The following DOCK3 variants were observed in gnomAD, a reference collection of about 807,000 sequenced individuals.
DOCK3 encodes the protein dedicator of cytokinesis protein 3.
Under a neutral mutation model 265.6 loss-of-function variants are expected in DOCK3, and 60 were observed. The ratio of observed to expected loss-of-function variants is 0.23; its 90% CI spans 0.18 to 0.28. The LOEUF (loss-of-function observed/expected upper bound fraction) is 0.28. Among genes scored for constraint, DOCK3 ranks in the 10% least tolerant of loss-of-function variants. The probability of loss-of-function intolerance (pLI) is 1.00; values close to 1 mark genes in which losing one functional copy is unlikely to be tolerated. For missense variants in DOCK3, 1,981 were observed against 2,594.3 expected, an observed-to-expected ratio of 0.76 and a Z score of 5.14; for synonymous variants, 881 against 938.0, an observed-to-expected ratio of 0.94 and a Z score of 1.11.
At chr3:51,276,987 T>G (rs2080850615) in intron 25 of DOCK3, among the ~76,000 whole-genome samples, 1 of 152,158 alleles carries the variant, frequency 6.6e-6, no homozygotes, top group Non-Finnish European at 1.5e-5. Flanking sequence ...AAAGATGCAC[T>G]GAGGCTGGAG....
chr3:51,383,553 C>T lies in DOCK3; in HGVS notation c.*1994C>T, dbSNP rs2088794363. 1 of 152,284 alleles carries T rather than the reference C, an allele frequency of 6.6e-6. No homozygotes were observed. The highest frequency in any genetic ancestry group is 6.5e-5 in the Admixed American group (1 of 15,280). The allele number at this position is 152,284 out of a possible 1,614,324, so 9.4% of individuals were successfully genotyped here. A position where few individuals can be genotyped will look rare whatever the true frequency, so the allele number is the denominator to read the frequency against. On this transcript the variant is annotated 3_prime_UTR_variant, in exon 53 of 53. Transcript: ENST00000266037. ...GGCAGTCATCACATAAGAACAGCTA[C>T]CTTCTCCACTTGGTGGCACAAGAGG...
chr3:51,053,429 T>A (rs1241348393), intron 5 of DOCK3, among the ~76,000 whole-genome samples: 1 of 149,190 alleles, frequency 6.7e-6, no homozygotes, highest in Non-Finnish European at 1.5e-5. Flanking sequence ...TATCACTATT[T>A]TTTTTTTTTT....
intron 9 of DOCK3, among the ~76,000 whole-genome samples, chr3:51,137,541 G>A (rs1437633051): frequency 1.3e-5 from 2 of 152,166 alleles, no homozygotes; most frequent in African/African-American, 4.8e-5. Context: ...AACATTTGTT[G>A]AAGGGATGCA....
chr3:50,693,590 C>T (rs1209108133), intron 1 of DOCK3, among the ~76,000 whole-genome samples: 1 of 128,068 alleles, frequency 7.8e-6, no homozygotes, highest in Non-Finnish European at 1.6e-5. Flanking sequence ...GGCTAGTGTG[C>T]AGTGGCATGA....
At chr3:50,991,949 C>T (rs1179583598) in intron 5 of DOCK3, among the ~76,000 whole-genome samples, 1 of 152,040 alleles carries the variant, frequency 6.6e-6, no homozygotes, top group Non-Finnish European at 1.5e-5. Flanking sequence ...CACTCAAAAC[C>T]ATGCAATTAA....
chr3:50,902,043 A>G (rs978604792), intron 4 of DOCK3, among the ~76,000 whole-genome samples: 5 of 152,004 alleles, frequency 3.3e-5, no homozygotes, highest in African/African-American at 4.8e-5. Context: ...ATGTCTGTTC[A>G]TGTCATTTGC....
In DOCK3 at chr3:50,930,601, G is replaced by T. The variant is rs760294396; in HGVS notation, c.219-3380G>T. Among the ~76,000 whole-genome samples the T allele has an allele frequency of 3.3e-4, 50 of 152,336 alleles. No individual in the cohort carries two copies. The East Asian group carries it at 4.4e-3, about 14-fold the overall frequency. On this transcript the variant is annotated intron_variant, in intron 4 of 52. Coordinates refer to ENST00000266037, the MANE Select transcript of DOCK3 (RefSeq NM_004947.5). Reference sequence around the variant, plus strand: ...CCAGGGCAGAGGCAACGTCTCCCCAGGCTCCCTTGGTGGCTCCAGTGCTCA... The same window carrying T: ...CCAGGGCAGAGGCAACGTCTCCCCATGCTCCCTTGGTGGCTCCAGTGCTCA...
intron 5 of DOCK3, among the ~76,000 whole-genome samples, chr3:51,002,010 A>G (rs2078499874): frequency 6.6e-6 from 1 of 152,050 alleles, no homozygotes; most frequent in South Asian, 2.1e-4. Context: ...TGAATCAGCG[A>G]TCATTGCTCA....
intron 1 of DOCK3, among the ~76,000 whole-genome samples, chr3:50,693,527 T>G (rs950759870): frequency 7.6e-6 from 1 of 131,128 alleles, no homozygotes; most frequent in African/African-American, 2.8e-5. Context: ...TTAATTTCCT[T>G]TCCTTTTTTT....
At chr3:51,146,751 G>A (rs772939611) in intron 10 of DOCK3, 121 bp downstream of exon 10, 2 of 788,210 alleles carry the variant, frequency 2.5e-6, no homozygotes, top group Non-Finnish European at 4.0e-6. Flanking sequence ...GGGAGAATAG[G>A]ACTTGATTTA....
At chr3:50,964,344 T>A (rs1459860424) in intron 5 of DOCK3, among the ~76,000 whole-genome samples, 1 of 152,148 alleles carries the variant, frequency 6.6e-6, no homozygotes, top group African/African-American at 2.4e-5. Context: ...GACACAGATA[T>A]TGGAATTACC....
intron 2 of DOCK3, among the ~76,000 whole-genome samples, chr3:50,795,506 T>C (rs2042722697): frequency 6.6e-6 from 1 of 151,898 alleles, no homozygotes; most frequent in Non-Finnish European, 1.5e-5. Context: ...CTCAGCCTCC[T>C]GAGTAGCTGG....
intron 5 of DOCK3, among the ~76,000 whole-genome samples, chr3:51,042,961 T>A (rs899202970): frequency 1.3e-5 from 2 of 151,708 alleles, no homozygotes; most frequent in Non-Finnish European, 2.9e-5. Flanking sequence ...AAACAAATTT[T>A]AAAAAATTCC....
At chr3:51,215,981 GA>G (rs3215254) in intron 14 of DOCK3, among the ~76,000 whole-genome samples, 15,782 of 139,408 alleles carry the variant, frequency 0.11, 1,053 homozygotes, top group East Asian at 0.26. Flanking sequence ...TCTTGACTAT[GA>G]AAAAAAAAAA....
chr3:50,898,706 A>T (rs2049023748), intron 4 of DOCK3: 1 of 152,204 alleles, frequency 6.6e-6, no homozygotes, highest in African/African-American at 2.4e-5. Context: ...TTCAAAGAAC[A>T]TCTTTATTTC....
intron 32 of DOCK3, among the ~76,000 whole-genome samples, chr3:51,329,401 T>A (rs1452465034): frequency 6.6e-6 from 1 of 151,694 alleles, no homozygotes; most frequent in Non-Finnish European, 1.5e-5. Context: ...AAACAAACAA[T>A]CAAGCACGGG....
At chr3:50,834,752 A>T (rs2045404239) in intron 2 of DOCK3, among the ~76,000 whole-genome samples, 2 of 152,232 alleles carry the variant, frequency 1.3e-5, no homozygotes, top group African/African-American at 4.8e-5. Context: ...CAAACATTTA[A>T]AAAAGGCAAA....
chr3:50,909,408 G>A (rs958869489), intron 4 of DOCK3, among the ~76,000 whole-genome samples: 25 of 151,970 alleles, frequency 1.6e-4, no homozygotes, highest in Admixed American at 1.4e-3. Flanking sequence ...CAAGGCAGGC[G>A]TGTTGATGAA....
At chr3:51,055,146 A>C (rs918629192) in intron 5 of DOCK3, among the ~76,000 whole-genome samples, 16 of 152,122 alleles carry the variant, frequency 1.1e-4, no homozygotes, top group African/African-American at 3.9e-4. Context: ...ATATTTCTGG[A>C]TCTTTTCCCC....
Sources: gnomAD v4.1 joint callset for allele counts (sites outside exome capture counted in the v4.1 genomes callset) on GRCh38, gnomAD v4.1.1 for gene constraint, MANE v1.5 for transcripts, NCBI Gene and HGNC (gene_info 2026-07-23, HGNC 2026-07-21) for gene names.